The following CNNM2 variants were observed in gnomAD, a reference collection of about 807,000 sequenced individuals.
The protein encoded by CNNM2 is metal transporter CNNM2.
In CNNM2, 12 loss-of-function variants were observed where a neutral mutation model predicts 66.9. The ratio of observed to expected loss-of-function variants is 0.18; its 90% confidence interval spans 0.11 to 0.29. CNNM2 has a LOEUF of 0.29. CNNM2 is among the 10% of genes least tolerant of loss of function. The pLI, the probability that CNNM2 is intolerant of heterozygous loss-of-function variation, is 1.00. For synonymous variants in CNNM2, 557 were observed against 501.8 expected, an observed-to-expected ratio of 1.11 and a Z score of -1.47; for missense variants, 705 against 1,167.7, an observed-to-expected ratio of 0.60 and a Z score of 5.77.
At chr10:103,070,938 A>G (rs1014431717) in intron 5 of CNNM2, among the ~76,000 whole-genome samples, 3 of 152,130 alleles carry the variant, frequency 2.0e-5, no homozygotes, top group African/African-American at 7.2e-5. Context: ...TGAAACTAAA[A>G]AAGCGGGGGG....
chr10:103,047,527 A>G (rs1317838404), intron 1 of CNNM2, among the ~76,000 whole-genome samples: 1 of 152,210 alleles, frequency 6.6e-6, no homozygotes, highest in South Asian at 2.1e-4. Context: ...ACCAATGCCA[A>G]TTTTTTAGTT....
In CNNM2 at chr10:103,047,833, T is replaced by C. The variant is rs565350482; in HGVS notation, c.1622-1874T>C. ...TATTTTTAACAATCGTTTGTTAATA[T>C]CACCAGCAATCTCATCAGAAAAGTC... On this transcript the variant is annotated intron_variant, in intron 1 of 7. Coordinates refer to ENST00000369878, the MANE Select transcript of CNNM2 (RefSeq NM_017649.5). Among the ~76,000 whole-genome samples, 58 of 152,342 alleles carry C rather than the reference T, an allele frequency of 3.8e-4. No homozygotes were observed. In the South Asian group the frequency reaches 0.011, roughly 29 times the overall value.
rs1205533318 is a variant in CNNM2 at position 103,083,061 on chromosome 10, C to G, written c.*5881C>G. On this transcript the variant is annotated 3_prime_UTR_variant, in exon 8 of 8. Coordinates refer to ENST00000369878, the MANE Select transcript of CNNM2 (RefSeq NM_017649.5). Reference sequence around the variant, plus strand: ...TTTTGAGGCCCAGTGCCAACATTGCCTTGGCCCTCAAGTAAGACCCTGCTT... The same window carrying G: ...TTTTGAGGCCCAGTGCCAACATTGCGTTGGCCCTCAAGTAAGACCCTGCTT... 1 of 152,176 alleles carries G rather than the reference C, an allele frequency of 6.6e-6. No homozygotes were observed. Among genetic ancestry groups the G allele is most frequent in the Non-Finnish European group, 1.5e-5 (1 of 68,034 alleles). The allele number at this position is 152,176 out of a possible 1,614,324, so 9.4% of individuals were successfully genotyped here.
intron 1 of CNNM2, among the ~76,000 whole-genome samples, chr10:103,036,080 A>G (rs946249960): frequency 6.6e-6 from 1 of 152,056 alleles, no homozygotes; most frequent in African/African-American, 2.4e-5. Flanking sequence ...TGTGGTATAG[A>G]TCCTGAGTCT....
intron 1 of CNNM2, among the ~76,000 whole-genome samples, chr10:102,991,437 G>A (rs2063896352): frequency 6.6e-6 from 1 of 151,964 alleles, no homozygotes; most frequent in Admixed American, 6.6e-5. Flanking sequence ...ATTTCTTTTG[G>A]GTTACTTCCT....
intron 1 of CNNM2, among the ~76,000 whole-genome samples, chr10:102,981,598 G>C (rs1003876066): frequency 6.6e-6 from 1 of 151,284 alleles, no homozygotes; most frequent in African/African-American, 2.4e-5. Flanking sequence ...TCGCCATGTT[G>C]CCCAGGCTGG....
chr10:102,966,408 C>T (rs941108731), intron 1 of CNNM2, among the ~76,000 whole-genome samples: 1 of 152,134 alleles, frequency 6.6e-6, no homozygotes, highest in Non-Finnish European at 1.5e-5. Context: ...GGTGGGCAGA[C>T]ATCTGAGGTC....
intron 1 of CNNM2, among the ~76,000 whole-genome samples, chr10:103,021,111 T>C (rs1353498918): frequency 1.3e-5 from 2 of 152,122 alleles, no homozygotes; most frequent in Non-Finnish European, 2.9e-5. Flanking sequence ...CAGTGGTTTT[T>C]AGACACTAGA....
chr10:102,927,793 A>G (rs1845925412), intron 1 of CNNM2, among the ~76,000 whole-genome samples: 1 of 152,022 alleles, frequency 6.6e-6, no homozygotes, highest in Admixed American at 6.6e-5. Flanking sequence ...TCGAAGGAGG[A>G]ACTAGAGGTT....
At chr10:103,050,289 T>C (rs1395554824) in intron 2 of CNNM2, among the ~76,000 whole-genome samples, 1 of 152,134 alleles carries the variant, frequency 6.6e-6, no homozygotes, top group Non-Finnish European at 1.5e-5. Flanking sequence ...CCCAGCACTT[T>C]AGGAGGCCGA....
At chr10:102,947,926 A>G (rs1466970975) in intron 1 of CNNM2, among the ~76,000 whole-genome samples, 2 of 150,564 alleles carry the variant, frequency 1.3e-5, no homozygotes, top group East Asian at 2.0e-4. Context: ...GGTGGCAGGC[A>G]CCTGTAGTCC....
intron 1 of CNNM2, among the ~76,000 whole-genome samples, chr10:103,006,989 CA>C: frequency 6.6e-6 from 1 of 152,240 alleles, no homozygotes; most frequent in South Asian, 2.1e-4. Context: ...AAATTTCTAT[CA>C]GGGGAACCCA....
At chr10:103,039,089 A>C (rs562607110) in intron 1 of CNNM2, among the ~76,000 whole-genome samples, 33 of 152,028 alleles carry the variant, frequency 2.2e-4, no homozygotes, top group African/African-American at 5.6e-4. Context: ...CCTAAATGAA[A>C]TTGTATTGCT....
intron 1 of CNNM2, among the ~76,000 whole-genome samples, chr10:103,042,556 G>C (rs1378272326): frequency 6.6e-6 from 1 of 152,204 alleles, no homozygotes; most frequent in Non-Finnish European, 1.5e-5. Context: ...GCCAGTGCTT[G>C]TATTTTGGTC....
At chr10:103,036,572 G>T (rs368321928) in intron 1 of CNNM2, among the ~76,000 whole-genome samples, 2 of 152,156 alleles carry the variant, frequency 1.3e-5, no homozygotes, top group Non-Finnish European at 2.9e-5. Context: ...CTCTGCAGAC[G>T]TTTATCAAAT....
intron 1 of CNNM2, among the ~76,000 whole-genome samples, chr10:103,029,365 G>A (rs893615925): frequency 4.0e-5 from 6 of 151,854 alleles, no homozygotes; most frequent in African/African-American, 1.5e-4. Context: ...CTCCTCAGGA[G>A]GCTGAGGAGA....
At position 103,085,705 on chromosome 10, in the gene CNNM2, C is replaced by G. The variant is rs988790506; in HGVS notation, c.*8525C>G. 6.6e-6 allele frequency: 1 copy of G among 152,198 alleles called. No individual in the cohort carries two copies. The highest frequency in any genetic ancestry group is 6.5e-5 in the Admixed American group (1 of 15,288). The allele number at this position is 152,198 out of a possible 1,614,324, so 9.4% of individuals were successfully genotyped here. ...AAAACATAGATTCCTCATCCTTAAA[C>G]AGAGTCAGCAAGTTTGAGATGAAAT... is the stretch of plus-strand genomic sequence containing the variant. On this transcript the variant is annotated 3_prime_UTR_variant, in exon 8 of 8. Transcript: ENST00000369878.
At chr10:102,960,129 C>T (rs552636097) in intron 1 of CNNM2, among the ~76,000 whole-genome samples, 4 of 151,962 alleles carry the variant, frequency 2.6e-5, no homozygotes, top group East Asian at 3.9e-4. Context: ...CATGAAAGGG[C>T]GAAATGAAAT....
chr10:102,927,374 C>T (rs1338006998), intron 1 of CNNM2: 1 of 1,613,720 alleles, frequency 6.2e-7, no homozygotes, highest in Non-Finnish European at 8.5e-7. Flanking sequence ...CAAATCATAC[C>T]AACACTGAAA....
Sources: gnomAD v4.1 joint callset for allele counts (sites outside exome capture counted in the v4.1 genomes callset) on GRCh38, gnomAD v4.1.1 for gene constraint, MANE v1.5 for transcripts, NCBI Gene and HGNC (gene_info 2026-07-23, HGNC 2026-07-21) for gene names.